Variants in TM7SF3 observed in about 807,000 individuals in gnomAD.
TM7SF3 encodes the protein seven span transmembrane protein.
Under a neutral mutation model 65.5 loss-of-function variants are expected in TM7SF3, and 60 were observed. The ratio of observed to expected loss-of-function variants is 0.92; its 90% CI spans 0.74 to 1.14. The LOEUF is 1.14. TM7SF3 is among the 50% of genes most tolerant of loss of function. The probability of loss-of-function intolerance (pLI) is 0.00; values close to 1 mark genes in which losing one functional copy is unlikely to be tolerated. For missense variants in TM7SF3, 623 were observed against 684.8 expected, an observed-to-expected ratio of 0.91 and a Z score of 1.01; for synonymous variants, 264 against 259.6, an observed-to-expected ratio of 1.02 and a Z score of -0.16.
At chr12:26,983,640 A>G (rs879514601) in intron 6 of TM7SF3, 5 of 445,582 alleles carry the variant, frequency 1.1e-5, no homozygotes, top group African/African-American at 2.0e-5. Flanking sequence ...TTAAGGCTGG[A>G]TAATTGGTGT....
chr12:27,013,961 G>T, intron 1 of TM7SF3, 117 bp downstream of exon 1: 1 of 859,966 alleles, frequency 1.2e-6, no homozygotes. Flanking sequence ...CACCCAGCGT[G>T]TACCAACGCC....
chr12:27,009,179 C>T (rs1390034953), intron 1 of TM7SF3, among the ~76,000 whole-genome samples: 1 of 152,118 alleles, frequency 6.6e-6, no homozygotes, highest in Non-Finnish European at 1.5e-5. Context: ...TCTCTTAACT[C>T]CTGCTCCAAA....
chr12:26,975,923 C>G (rs931168605), intron 10 of TM7SF3: 1 of 534,038 alleles, frequency 1.9e-6, no homozygotes, highest in Non-Finnish European at 3.3e-6. Context: ...ACAATAAAAT[C>G]TAATTAGAGG....
At chr12:26,976,595 A>G (rs1939578282) in intron 9 of TM7SF3, among the ~76,000 whole-genome samples, 1 of 152,212 alleles carries the variant, frequency 6.6e-6, no homozygotes. Context: ...TGCACTTATT[A>G]ACAAAATCAT....
intron 6 of TM7SF3, among the ~76,000 whole-genome samples, chr12:26,985,636 AAAAAAAAAAAAAAAAAATAT>A (rs1298961614): frequency 2.0e-5 from 1 of 49,630 alleles, no homozygotes; most frequent in Non-Finnish European, 3.7e-5. Context: ...AAAAAAAAAA[AAAAAAAAAAAAAAAAAATAT>A]ATATATATAT....
chr12:26,999,740 A>G (rs1183383121), intron 2 of TM7SF3, 64 bp from the exon 3 acceptor site: 1 of 1,566,338 alleles, frequency 6.4e-7, no homozygotes, highest in Admixed American at 1.7e-5. Flanking sequence ...TACTGAGCTG[A>G]TCCAGTGTGC....
rs1409266756 is a variant in TM7SF3 at position 26,979,844 on chromosome 12, G to T, written c.1129C>A (p.Leu377Ile). ...AACCCCAGCACTAGTCCAACACAGA[G>T]CATGCAGATCGAGAGGATTCCAAAT... is the stretch of plus-strand genomic sequence containing the variant. ...WRFGILSICM[L>I]CVGLVLGFLI... The change falls in exon 9 of 12, where the codon CTC (leucine) becomes ATC (isoleucine). Residue 377 changes from leucine (L) to isoleucine (I), a missense_variant. Transcript: ENST00000343028. The T allele has an allele frequency of 1.9e-6, 3 of 1,614,042 alleles. No homozygotes were observed. The highest frequency in any genetic ancestry group is 2.5e-6 in the Non-Finnish European group (3 of 1,180,036).
At chr12:26,974,522 G>T (rs1939489142) in intron 11 of TM7SF3, among the ~76,000 whole-genome samples, 1 of 152,146 alleles carries the variant, frequency 6.6e-6, no homozygotes, top group Non-Finnish European at 1.5e-5. Context: ...AGTACCCACA[G>T]TTGTTTGTGT....
At chr12:26,986,073 C>A (rs1444596782) in intron 6 of TM7SF3, among the ~76,000 whole-genome samples, 1 of 151,798 alleles carries the variant, frequency 6.6e-6, no homozygotes, top group Non-Finnish European at 1.5e-5. Context: ...CGTGATCCGC[C>A]CGCCTTGGCC....
intron 11 of TM7SF3, 102 bp from the exon 12 acceptor site, chr12:26,974,329 A>T (rs142751092): frequency 2.8e-5 from 36 of 1,288,074 alleles, no homozygotes; most frequent in Non-Finnish European, 3.6e-5. Context: ...CCTTTCTAAT[A>T]GACTTTCTGG....
intron 1 of TM7SF3, among the ~76,000 whole-genome samples, chr12:27,003,748 A>G (rs1940925657): frequency 6.6e-6 from 1 of 152,208 alleles, no homozygotes; most frequent in Admixed American, 6.5e-5. Context: ...GGCTACTAAC[A>G]ATCATGAATG....
chr12:27,014,258 C>T lies in TM7SF3; in HGVS notation c.-90G>A, dbSNP rs559529838. The T allele has an allele frequency of 4.1e-6, 5 of 1,227,380 alleles. No individual in the cohort carries two copies. In the African/African-American group the frequency reaches 6.5e-5, roughly 16 times the overall value. 76.0% of individuals were successfully genotyped at this position (1,227,380 alleles called of 1,614,324 possible). Reference sequence around the variant, plus strand: ...CCCCGCAGCCTCGCCCACGCTATCCCGGGGCGCCCGCATCGGGCGCCATCG... The same window carrying T: ...CCCCGCAGCCTCGCCCACGCTATCCTGGGGCGCCCGCATCGGGCGCCATCG... On this transcript the variant is annotated 5_prime_UTR_variant, in exon 1 of 12. Coordinates refer to ENST00000343028, the MANE Select transcript of TM7SF3 (RefSeq NM_016551.3).
chr12:27,013,225 A>C (rs138081620), intron 1 of TM7SF3, among the ~76,000 whole-genome samples: 2,448 of 152,218 alleles, frequency 0.016, 32 homozygotes, highest in Non-Finnish European at 0.021. Context: ...AATGATTGGG[A>C]ATTTTGTGAT....
At chr12:26,987,116 C>T (rs893827845) in intron 6 of TM7SF3, among the ~76,000 whole-genome samples, 2 of 152,154 alleles carry the variant, frequency 1.3e-5, no homozygotes, top group African/African-American at 4.8e-5. Flanking sequence ...TCTGCCTCCC[C>T]TTTATAGATA....
intron 8 of TM7SF3, 156 bp from the exon 9 acceptor site, chr12:26,980,092 C>T: frequency 1.2e-6 from 1 of 834,724 alleles, no homozygotes; most frequent in South Asian, 1.7e-5. Context: ...ATAGAGCAAC[C>T]CTCTCTAGGG....
intron 6 of TM7SF3, among the ~76,000 whole-genome samples, chr12:26,983,160 A>C (rs1390890352): frequency 4.8e-5 from 7 of 146,854 alleles, no homozygotes; most frequent in African/African-American, 1.7e-4. Flanking sequence ...AAACAGAGAG[A>C]GAGTGTTCCT....
Position 26,973,710 on chromosome 12 carries a change from C to T in TM7SF3, c.*255G>A. The stretch of plus-strand genomic sequence containing the variant: ...ATAAGTTGATCATAGATTTGTAAAC[C>T]AAAAGGTAATTTCTCAAGTATTTGG... On this transcript the variant is annotated 3_prime_UTR_variant, in exon 12 of 12. Coordinates refer to ENST00000343028, the MANE Select transcript of TM7SF3 (RefSeq NM_016551.3). The T allele has an allele frequency of 5.1e-6, 2 of 390,814 alleles. No homozygotes were observed. The highest frequency in any genetic ancestry group is 9.0e-6 in the Non-Finnish European group (2 of 221,498). 24.2% of individuals were successfully genotyped at this position (390,814 alleles called of 1,614,324 possible).
chr12:27,010,207 GC>G (rs1941194090), intron 1 of TM7SF3, among the ~76,000 whole-genome samples: 1 of 152,152 alleles, frequency 6.6e-6, no homozygotes, highest in Admixed American at 6.5e-5. Context: ...CTTTTAAACT[GC>G]CCAAGGCTAC....
At position 26,980,631 on chromosome 12, in the gene TM7SF3, C is replaced by G; in HGVS notation, c.971G>C (p.Gly324Ala). The G allele has an allele frequency of 1.3e-6, 2 of 1,569,892 alleles. No homozygotes were observed. The highest frequency in any genetic ancestry group is 1.7e-6 in the Non-Finnish European group (2 of 1,151,118). The change falls in exon 8 of 12, where the codon GGC becomes GCC. Residue 324 changes from glycine to alanine, a missense_variant. Physicochemically the swap from Gly to Ala is moderately conservative, Grantham distance 60. Transcript: ENST00000343028. ...AAAGAAGAATCCCATGATGATAAAGCCTATGAAGAATAATTCTAAGTGGCA... is the reference window on the plus strand; with the variant it reads ...AAAGAAGAATCCCATGATGATAAAGGCTATGAAGAATAATTCTAAGTGGCA... The part of the protein sequence containing the change: ...RFWKTELFFI[G>A]FIIMGFFFYI...
Sources: allele counts gnomAD v4.1 joint callset (sites outside exome capture counted in the v4.1 genomes callset), GRCh38; gene constraint gnomAD v4.1.1; transcripts MANE v1.5; gene names NCBI Gene and HGNC (gene_info 2026-07-23, HGNC 2026-07-21).